The following PPFIBP2 variants were observed in gnomAD, a reference collection of about 807,000 sequenced individuals.
PPFIBP2 encodes liprin-beta-2.
Under a neutral mutation model 118.3 loss-of-function variants are expected in PPFIBP2, and 118 were observed. The observed-to-expected ratio is 1.00, with a 90% CI of 0.86 to 1.16. The LOEUF (loss-of-function observed/expected upper bound fraction) is 1.16, where lower values mean the gene tolerates loss of function less well. Among genes scored for constraint, PPFIBP2 ranks in the 50% most tolerant of loss-of-function variants. The pLI is 0.00. For synonymous variants in PPFIBP2, 414 were observed against 397.4 expected, an observed-to-expected ratio of 1.04 and a Z score of -0.50; for missense variants, 1,195 against 1,073.1, an observed-to-expected ratio of 1.11 and a Z score of -1.59.
intron 1 of PPFIBP2, among the ~76,000 whole-genome samples, chr11:7,518,118 T>A (rs1224148457): frequency 6.6e-6 from 1 of 152,244 alleles, no homozygotes; most frequent in East Asian, 1.9e-4. Flanking sequence ...AAACTCTGCC[T>A]GTTTTTGCCT....
rs767070402 is a variant in PPFIBP2, at chr11:7,565,700, C to T, written c.212C>T (p.Ala71Val). 3.3e-5 allele frequency: 53 copies of T among 1,614,056 alleles called. No homozygotes were observed. Among genetic ancestry groups the T allele is most frequent in the Admixed American group, 1.3e-4 (8 of 60,000 alleles). The change falls in exon 3 of 24, where the codon GCA (alanine) becomes GTA (valine). Residue 71 changes from alanine (A) to valine (V), a missense_variant. By Grantham distance (64) the Ala-to-Val change is moderately conservative. Coordinates refer to ENST00000299492, the MANE Select transcript of PPFIBP2 (RefSeq NM_003621.5). ...LEMLELPQER[A>V]ALLSQIPGPT... The stretch of plus-strand genomic sequence containing the variant: ...ATGCTGGAGCTTCCTCAGGAGAGAG[C>T]AGCCCTCCTGAGCCAGATCCCTGGC...
In PPFIBP2 at chr11:7,565,718, T is replaced by A; in HGVS notation, c.230T>A (p.Ile77Asn). 6.2e-7 allele frequency: 1 copy of A among 1,614,134 alleles called. No homozygotes were observed. The highest frequency in any genetic ancestry group is 8.5e-7 in the Non-Finnish European group (1 of 1,180,008). ...GAGAGAGCAGCCCTCCTGAGCCAGATCCCTGGCCCAACAGCTGCCTACATA... is the reference window on the plus strand; with the variant it reads ...GAGAGAGCAGCCCTCCTGAGCCAGAACCCTGGCCCAACAGCTGCCTACATA... ...PQERAALLSQ[I>N]PGPTAAYIKE... Residue 77 changes from isoleucine (I) to asparagine (N), a missense_variant, in exon 3 of 24, where the codon ATC becomes AAC. Ile to Asn is a moderately radical substitution (Grantham distance 149). Coordinates refer to ENST00000299492, the MANE Select transcript of PPFIBP2 (RefSeq NM_003621.5).
rs147440343 is a variant in PPFIBP2, at chr11:7,629,517, T to C, written c.947T>C (p.Ile316Thr). The change falls in exon 10 of 24, where the codon ATT (isoleucine) becomes ACT (threonine). Residue 316 changes from isoleucine (I) to threonine (T), a missense_variant. By Grantham distance (89) the Ile-to-Thr change is moderately conservative (BLOSUM62 -1). Coordinates refer to ENST00000299492, the MANE Select transcript of PPFIBP2 (RefSeq NM_003621.5). Reference protein sequence around the residue: ...LLNQYRKVKEIVMVTQGPSER... With the variant: ...LLNQYRKVKETVMVTQGPSER... The stretch of plus-strand genomic sequence containing the variant: ...AACCAGTACCGGAAGGTAAAGGAGA[T>C]TGTGATGGTCACTCAAGGTAAGAGC... 731 of 1,614,086 alleles carry C rather than the reference T, an allele frequency of 4.5e-4. No individual in the cohort carries two copies. In the African/African-American group the frequency reaches 8.5e-3, roughly 19 times the overall value.
chr11:7,604,189 A>T (rs1590523314), intron 5 of PPFIBP2, among the ~76,000 whole-genome samples: 1 of 152,356 alleles, frequency 6.6e-6, no homozygotes, highest in East Asian at 1.9e-4. Context: ...CAGCCAGCAA[A>T]GAAAATGGAG....
intron 12 of PPFIBP2, among the ~76,000 whole-genome samples, chr11:7,633,473 G>A (rs74396028): frequency 0.014 from 2,168 of 152,260 alleles, 49 homozygotes; most frequent in African/African-American, 0.05. Flanking sequence ...CCCTATGTCC[G>A]TACTTCAGCA....
chr11:7,648,159 G>T (rs1853398151), intron 17 of PPFIBP2: 1 of 484,602 alleles, frequency 2.1e-6, no homozygotes, highest in South Asian at 3.0e-5. Flanking sequence ...AGTAGCCTGA[G>T]ATTTGAAATT....
At chr11:7,525,654 T>C (rs906458871) in intron 1 of PPFIBP2, among the ~76,000 whole-genome samples, 1 of 152,168 alleles carries the variant, frequency 6.6e-6, no homozygotes, top group African/African-American at 2.4e-5. Flanking sequence ...ACCAGCTGGA[T>C]GAGATGTGGC....
At chr11:7,523,183 C>A (rs1849915609) in intron 1 of PPFIBP2, among the ~76,000 whole-genome samples, 3 of 152,058 alleles carry the variant, frequency 2.0e-5, no homozygotes, top group Admixed American at 2.0e-4. Flanking sequence ...ACTCAGTGGC[C>A]CTGAGGCTGG....
chr11:7,632,367 G>A (rs1281876768), intron 11 of PPFIBP2: 3 of 158,826 alleles, frequency 1.9e-5, no homozygotes, highest in Non-Finnish European at 4.2e-5. Context: ...CCCAGATGTG[G>A]GGAGTGCTTG....
intron 17 of PPFIBP2, among the ~76,000 whole-genome samples, chr11:7,647,043 T>C (rs7124006): frequency 0.22 from 33,006 of 152,146 alleles, 4,662 homozygotes; most frequent in African/African-American, 0.4. Flanking sequence ...CAGATTATGA[T>C]TGATCAGTCC....
At chr11:7,634,597 T>A (rs200403581) in intron 13 of PPFIBP2, 45 bp downstream of exon 13, 2 of 1,515,776 alleles carry the variant, frequency 1.3e-6, no homozygotes, top group East Asian at 4.5e-5. Context: ...GTTACTTTTT[T>A]GGGCCTAGCA....
Position 7,616,893 on chromosome 11 carries a change from C to T in PPFIBP2, c.619-4042C>T, listed in dbSNP as rs918261738. On this transcript the variant is annotated intron_variant, in intron 6 of 23. Coordinates refer to ENST00000299492, the MANE Select transcript of PPFIBP2 (RefSeq NM_003621.5). The surrounding 1 kb of genome is among the most constrained non-coding windows in gnomAD (Gnocchi z 5.2). ...ACAAAGGAGCTGTTGGGGATTTGTT[C>T]GAACTGCAAGACAGGCATCTGGATG... Among the ~76,000 whole-genome samples, 2 of 151,860 alleles carry T rather than the reference C, an allele frequency of 1.3e-5. No homozygotes were observed. The highest frequency in any genetic ancestry group is 2.4e-5 in the African/African-American group (1 of 41,310).
rs749025192 is a variant in PPFIBP2, at chr11:7,625,890, A to G, written c.825A>G (p.Arg275=). The G allele has an allele frequency of 3.1e-6, 5 of 1,613,130 alleles. No individual in the cohort carries two copies. The South Asian group carries it at 4.4e-5, about 14-fold the overall frequency. The change falls in exon 8 of 24, where the codon AGA becomes AGG. Residue 275 remains arginine, a splice_region_variant and synonymous_variant. Transcript: ENST00000299492. ...AALHSESHTE[R]DQEIQRLKMG... is the part of the protein sequence containing the mutation. The stretch of plus-strand genomic sequence containing the variant: ...TCCACAGTGAGAGTCACACAGAGAG[A>G]GGTGACTAGCTTGACTCTGACAAAA...
At chr11:7,562,506 TCTA>T (rs2134684400) in intron 2 of PPFIBP2, among the ~76,000 whole-genome samples, 1 of 152,322 alleles carries the variant, frequency 6.6e-6, no homozygotes, top group Admixed American at 6.5e-5. Flanking sequence ...TCTGTCATAT[TCTA>T]CTGGTGACAC....
chr11:7,650,333 A>C (rs922027833), intron 21 of PPFIBP2, among the ~76,000 whole-genome samples: 2 of 152,098 alleles, frequency 1.3e-5, no homozygotes. Context: ...TTTTCTCCTT[A>C]TTCAACCAAC....
intron 9 of PPFIBP2, among the ~76,000 whole-genome samples, chr11:7,628,697 C>A (rs1042825003): frequency 6.6e-6 from 1 of 152,214 alleles, no homozygotes; most frequent in Non-Finnish European, 1.5e-5. Context: ...CATGACCTGA[C>A]AATAGAACCA....
intron 2 of PPFIBP2, among the ~76,000 whole-genome samples, chr11:7,562,930 T>C (rs1465063609): frequency 1.2e-3 from 2 of 1,652 alleles, no homozygotes; most frequent in African/African-American, 2.2e-3. Flanking sequence ...ATTAAAGTTT[T>C]ATATATATAT....
At chr11:7,665,610 G>T in the PPFIBP2 span, 1 of 1,497,576 alleles carries the variant, frequency 6.7e-7, no homozygotes, top group East Asian at 2.3e-5. Context: ...ATCCCAGGCC[G>T]CCTGCACACC....
At chr11:7,599,940 G>A (rs566586520) in intron 5 of PPFIBP2, among the ~76,000 whole-genome samples, 9 of 151,500 alleles carry the variant, frequency 5.9e-5, no homozygotes, top group African/African-American at 1.7e-4. Context: ...CACTGCGCCC[G>A]GCCTCAATTA....
Sources: gnomAD v4.1 joint callset for allele counts (sites outside exome capture counted in the v4.1 genomes callset) on GRCh38, gnomAD v4.1.1 for gene constraint, Gnocchi (gnomAD v3.1) non-coding constraint, MANE v1.5 for transcripts, NCBI Gene and HGNC (gene_info 2026-07-23, HGNC 2026-07-21) for gene names.